The following MACROD2 variants were observed in gnomAD, a reference collection of about 807,000 sequenced individuals.
MACROD2 encodes the protein mono-ADP ribosylhydrolase 2, also known as ADP-ribose glycohydrolase MACROD2.
Under a neutral mutation model 70.4 loss-of-function variants are expected in MACROD2, and 36 were observed. That is an observed-to-expected ratio of 0.51 (90% CI 0.39 to 0.68). The LOEUF is 0.68. Ranked by LOEUF, MACROD2 falls within the 30% of genes least tolerant of loss-of-function variation. The probability of loss-of-function intolerance (pLI) is 0.00; values close to 1 mark genes in which losing one functional copy is unlikely to be tolerated. For missense variants in MACROD2, 496 were observed against 538.4 expected (o/e 0.92, Z 0.78); for synonymous variants, 172 against 178.8 (o/e 0.96, Z 0.30).
intron 15 of MACROD2, among the ~76,000 whole-genome samples, chr20:16,026,873 C>T (rs1050591875): frequency 1.3e-5 from 2 of 152,148 alleles, no homozygotes; most frequent in Admixed American, 1.3e-4. Context: ...TTCTCCTTAG[C>T]CAAAGTCATC....
At chr20:15,510,745 A>G (rs2047487818) in intron 8 of MACROD2, among the ~76,000 whole-genome samples, 1 of 152,238 alleles carries the variant, frequency 6.6e-6, no homozygotes, top group Admixed American at 6.5e-5. Flanking sequence ...TGGAAAAAAC[A>G]TCCGAAGACT....
At chr20:15,553,145 G>T (rs918059195) in intron 8 of MACROD2, among the ~76,000 whole-genome samples, 1 of 152,128 alleles carries the variant, frequency 6.6e-6, no homozygotes, top group African/African-American at 2.4e-5. Context: ...AAATAACATG[G>T]TAATTTACTC....
intron 3 of MACROD2, among the ~76,000 whole-genome samples, chr20:14,226,379 G>A (rs891118732): frequency 6.6e-6 from 1 of 152,240 alleles, no homozygotes; most frequent in Non-Finnish European, 1.5e-5. Context: ...CGCTCTCGGC[G>A]CCTCCTCTGC....
intron 2 of MACROD2, among the ~76,000 whole-genome samples, chr20:14,072,015 A>G (rs2053850764): frequency 6.6e-6 from 1 of 152,244 alleles, no homozygotes; most frequent in South Asian, 2.1e-4. Flanking sequence ...GAGTTTGATG[A>G]TTTTGTATAA....
chr20:15,665,954 G>A (rs1272347529), intron 8 of MACROD2, among the ~76,000 whole-genome samples: 2 of 150,940 alleles, frequency 1.3e-5, no homozygotes, highest in Non-Finnish European at 1.5e-5. Context: ...TTCTCTTGGA[G>A]ATATGCTTGA....
intron 2 of MACROD2, among the ~76,000 whole-genome samples, chr20:14,042,369 A>C: frequency 6.6e-6 from 1 of 152,160 alleles, no homozygotes; most frequent in East Asian, 1.9e-4. Flanking sequence ...ACACACTCAA[A>C]GTGCTTTTTC....
At chr20:14,275,084 C>T (rs1389417952) in intron 3 of MACROD2, among the ~76,000 whole-genome samples, 3 of 152,078 alleles carry the variant, frequency 2.0e-5, no homozygotes, top group Non-Finnish European at 4.4e-5. Context: ...CAATGCCATC[C>T]CCATCAAGCT....
intron 15 of MACROD2, among the ~76,000 whole-genome samples, chr20:16,033,208 A>G (rs1031657300): frequency 6.6e-6 from 1 of 152,118 alleles, no homozygotes; most frequent in African/African-American, 2.4e-5. Context: ...TCAGAAAGAG[A>G]GACTGTGTGA....
At chr20:15,734,400 G>C (rs1249863684) in intron 8 of MACROD2, among the ~76,000 whole-genome samples, 1 of 152,150 alleles carries the variant, frequency 6.6e-6, no homozygotes, top group African/African-American at 2.4e-5. Context: ...AGGGTGCAGA[G>C]AGGTATGTAA....
intron 3 of MACROD2, among the ~76,000 whole-genome samples, chr20:14,301,160 C>T (rs2122487777): frequency 6.6e-6 from 1 of 152,254 alleles, no homozygotes; most frequent in South Asian, 2.1e-4. Context: ...AGGTGGTAGA[C>T]TTAGGAGTTA....
chr20:15,436,802 A>G (rs1472383626), intron 7 of MACROD2, among the ~76,000 whole-genome samples: 3 of 152,200 alleles, frequency 2.0e-5, no homozygotes, highest in Non-Finnish European at 4.4e-5. Context: ...TACAAAGCAA[A>G]CACAACTCCC....
At chr20:14,404,113 G>A (rs2083666804) in intron 3 of MACROD2, among the ~76,000 whole-genome samples, 1 of 152,112 alleles carries the variant, frequency 6.6e-6, no homozygotes, top group Admixed American at 6.6e-5. Flanking sequence ...AAATATAGAT[G>A]TGAGGAAATT....
intron 3 of MACROD2, among the ~76,000 whole-genome samples, chr20:14,097,605 C>G (rs1398321095): frequency 6.6e-6 from 1 of 152,150 alleles, no homozygotes; most frequent in Non-Finnish European, 1.5e-5. Context: ...AACTTCCTGG[C>G]CAAATAACTC....
intron 6 of MACROD2, among the ~76,000 whole-genome samples, chr20:15,367,499 T>C (rs960742408): frequency 6.6e-6 from 1 of 152,208 alleles, no homozygotes. Flanking sequence ...TTCACTGACA[T>C]AAGTATCTTT....
intron 5 of MACROD2, among the ~76,000 whole-genome samples, chr20:14,821,867 A>G (rs2072848969): frequency 6.6e-6 from 1 of 152,010 alleles, no homozygotes; most frequent in South Asian, 2.1e-4. Flanking sequence ...GCCAGTGTAT[A>G]CTTACATTTC....
chr20:14,483,141 T>C (rs2084681961), intron 3 of MACROD2, among the ~76,000 whole-genome samples: 1 of 152,232 alleles, frequency 6.6e-6, no homozygotes, highest in Admixed American at 6.5e-5. Flanking sequence ...TGATTACTTT[T>C]AGCCATTGCA....
chr20:14,663,189 A>T (rs116767400), intron 4 of MACROD2, among the ~76,000 whole-genome samples: 1,876 of 152,144 alleles, frequency 0.012, 32 homozygotes, highest in African/African-American at 0.043. Context: ...TAGGACAGGG[A>T]TGGAGGTGGA....
At chr20:14,562,829 T>A (rs1282703022) in intron 4 of MACROD2, among the ~76,000 whole-genome samples, 2 of 151,816 alleles carry the variant, frequency 1.3e-5, no homozygotes, top group Non-Finnish European at 2.9e-5. Context: ...GAGGAAAACC[T>A]TTCTCTGGAT....
At chr20:14,323,465 A>G (rs2122557697) in intron 3 of MACROD2, 1 of 152,148 alleles carries the variant, frequency 6.6e-6, no homozygotes, top group East Asian at 1.9e-4. Context: ...CCAAATCTTG[A>G]CCTTTTGTTT....
Sources: allele counts gnomAD v4.1 joint callset (sites outside exome capture counted in the v4.1 genomes callset), GRCh38; gene constraint gnomAD v4.1.1; transcripts MANE v1.5; gene names NCBI Gene and HGNC (gene_info 2026-07-23, HGNC 2026-07-21).